The following PCDHA7 variants were observed in gnomAD, a reference collection of about 807,000 sequenced individuals.
PCDHA7 encodes protocadherin alpha-7.
A neutral mutation model predicts 57.2 loss-of-function variants in PCDHA7; 37 were observed. The ratio of observed to expected loss-of-function variants is 0.65; its 90% CI spans 0.50 to 0.85. PCDHA7 has a LOEUF of 0.85. Ranked by LOEUF, PCDHA7 falls within the 40% of genes least tolerant of loss-of-function variation. The probability of loss-of-function intolerance (pLI) is 0.00; values close to 1 mark genes in which losing one functional copy is unlikely to be tolerated. For missense variants in PCDHA7, 1,188 were observed against 1,241.8 expected (o/e 0.96, Z 0.65); for synonymous variants, 553 against 558.8 (o/e 0.99, Z 0.15).
intron 1 of PCDHA7, among the ~76,000 whole-genome samples, chr5:140,940,999 A>C (rs2092715324): frequency 1.3e-5 from 2 of 152,264 alleles, no homozygotes; most frequent in Admixed American, 1.3e-4. Context: ...TATAGGATTA[A>C]ATTTTCCTTT....
At chr5:140,924,811 C>A (rs1209918868) in intron 1 of PCDHA7, among the ~76,000 whole-genome samples, 6 of 151,654 alleles carry the variant, frequency 4.0e-5, no homozygotes, top group Admixed American at 3.3e-4. Context: ...AAGAGAATCG[C>A]TTGAACCTGG....
intron 1 of PCDHA7, chr5:140,883,938 A>C (rs782647232): frequency 6.2e-7 from 1 of 1,613,360 alleles, no homozygotes; most frequent in East Asian, 2.2e-5. Context: ...TTCGTGCTGG[A>C]CGAGAACGAC....
intron 1 of PCDHA7, among the ~76,000 whole-genome samples, chr5:140,946,631 T>TATATATTATATATATATATATATATACAC (rs57893927): frequency 7.6e-6 from 1 of 131,846 alleles, no homozygotes; most frequent in African/African-American, 3.5e-5. Flanking sequence ...TATATATATA[T>TATATATTATATATATATATATATATACAC]ACAATGGAAT....
chr5:140,927,674 A>T (rs201769803), intron 1 of PCDHA7: 1 of 1,614,182 alleles, frequency 6.2e-7, no homozygotes, highest in Non-Finnish European at 8.5e-7. Flanking sequence ...TTGGATCCAG[A>T]TGAAGGGTCC....
intron 1 of PCDHA7, among the ~76,000 whole-genome samples, chr5:140,873,773 G>A (rs1554166889): frequency 6.6e-6 from 1 of 152,120 alleles, no homozygotes; most frequent in Non-Finnish European, 1.5e-5. Context: ...CAATTCTCCT[G>A]CCTCAGCTTT....
intron 1 of PCDHA7, chr5:140,877,387 G>A: frequency 6.2e-7 from 1 of 1,614,010 alleles, no homozygotes; most frequent in Non-Finnish European, 8.5e-7. Flanking sequence ...CATCCTGGAT[G>A]AGGCGGACGC....
chr5:140,902,786 C>G (rs1450809375), intron 1 of PCDHA7, among the ~76,000 whole-genome samples: 1 of 151,906 alleles, frequency 6.6e-6, no homozygotes, highest in Non-Finnish European at 1.5e-5. Flanking sequence ...TAGCTTAGCT[C>G]TCACTTGTAT....
At chr5:140,881,650 T>C (rs508730) in intron 1 of PCDHA7, among the ~76,000 whole-genome samples, 2,267 of 152,332 alleles carry the variant, frequency 0.015, 53 homozygotes, top group African/African-American at 0.052. Flanking sequence ...ATTTTTCACC[T>C]TCACCGATTT....
intron 1 of PCDHA7, chr5:140,843,178 C>T (rs1188166294): frequency 6.3e-7 from 1 of 1,595,986 alleles, no homozygotes; most frequent in Non-Finnish European, 8.6e-7. Context: ...GCAGCCCTCG[C>T]ATCCCGTTCC....
chr5:140,992,270 G>A (rs115480506), intron 3 of PCDHA7, among the ~76,000 whole-genome samples: 186 of 152,264 alleles, frequency 1.2e-3, no homozygotes, highest in African/African-American at 4.1e-3. Flanking sequence ...AGTTCTTTTC[G>A]TAGCACATCC....
chr5:140,961,648 G>A (rs367674015), intron 1 of PCDHA7, among the ~76,000 whole-genome samples: 1 of 152,156 alleles, frequency 6.6e-6, no homozygotes, highest in African/African-American at 2.4e-5. Flanking sequence ...AGTCTATGTG[G>A]TTAGTTTGAA....
At chr5:140,843,231 T>C in intron 1 of PCDHA7, 3 of 1,596,108 alleles carry the variant, frequency 1.9e-6, no homozygotes, top group South Asian at 1.1e-5. Flanking sequence ...ACTCGTGTCC[T>C]GGACGAAGCG....
rs1489888830 is a variant in PCDHA7, at chr5:140,987,480, A to G, written c.2503+4917A>G. ...TGTTAAGAGCTCAAGCTTGGGAGTC[A>G]GTGACCCTTTCTGAATTCTACCTCT... is the stretch of plus-strand genomic sequence containing the variant. On this transcript the variant is annotated intron_variant, in intron 3 of 3. Coordinates refer to ENST00000525929, the MANE Select transcript of PCDHA7 (RefSeq NM_018910.3). Among the ~76,000 whole-genome samples, 6 of 152,310 alleles carry G rather than the reference A, an allele frequency of 3.9e-5. No homozygotes were observed. The South Asian group carries it at 1.2e-3, about 32-fold the overall frequency.
At chr5:140,852,978 A>T in intron 1 of PCDHA7, 1 of 358,934 alleles carries the variant, frequency 2.8e-6, no homozygotes, top group Non-Finnish European at 4.1e-6. Flanking sequence ...TCCCGTGTTC[A>T]CGCCATTCTC....
chr5:140,863,231 C>G (rs189351986), intron 1 of PCDHA7: 1 of 1,227,526 alleles, frequency 8.1e-7, no homozygotes, highest in Non-Finnish European at 1.2e-6. Flanking sequence ...AAGGTCCCAT[C>G]GCGGGCTTTG....
intron 1 of PCDHA7, chr5:140,875,768 G>A (rs997656321): frequency 6.2e-7 from 1 of 1,614,262 alleles, no homozygotes; most frequent in Non-Finnish European, 8.5e-7. Context: ...TGCGGGCGGA[G>A]CGCGGAGTGC....
In PCDHA7 at chr5:140,842,631, C is replaced by G; in HGVS notation, c.2355+5893C>G. 4 of 1,595,224 alleles carry G rather than the reference C, an allele frequency of 2.5e-6. 2 individuals are homozygous for G. The South Asian group carries it at 4.4e-5, about 18-fold the overall frequency. ...GACGGGGGCTCGCCTTCGCTGTGGG[C>G]CACCGCCAGCTTGTCTGTGGAGGTG... On this transcript the variant is annotated intron_variant, in intron 1 of 3. Transcript: ENST00000525929.
At chr5:140,919,552 T>C (rs2079193484) in intron 1 of PCDHA7, among the ~76,000 whole-genome samples, 1 of 152,224 alleles carries the variant, frequency 6.6e-6, no homozygotes, top group South Asian at 2.1e-4. Context: ...ATTTACTGAT[T>C]TATATTAAGT....
intron 1 of PCDHA7, chr5:140,883,520 G>T (rs1554178526): frequency 6.2e-7 from 1 of 1,614,104 alleles, no homozygotes; most frequent in African/African-American, 1.3e-5. Context: ...CCGCGAGAGC[G>T]TATCAGCCTA....
Sources: gnomAD v4.1 joint callset for allele counts (sites outside exome capture counted in the v4.1 genomes callset) on GRCh38, gnomAD v4.1.1 for gene constraint, MANE v1.5 for transcripts, NCBI Gene and HGNC (gene_info 2026-07-23, HGNC 2026-07-21) for gene names.